AGBL1: variants seen among roughly 807,000 people sequenced by gnomAD.
The protein encoded by AGBL1 is AGBL carboxypeptidase 1, also known as cytosolic carboxypeptidase 4.
A neutral mutation model predicts 118.9 loss-of-function variants in AGBL1; 130 were observed. That is an observed-to-expected ratio of 1.09 (90% CI 0.95 to 1.26). AGBL1 has a LOEUF of 1.26. Among genes scored for constraint, AGBL1 ranks in the 50% most tolerant of loss-of-function variants. The pLI is 0.00. For missense variants in AGBL1, 1,584 were observed against 1,298.1 expected (o/e 1.22, Z -3.38); for synonymous variants, 555 against 478.9 (o/e 1.16, Z -2.08).
At chr15:86,801,679 CTT>C (rs2078652364) in intron 22 of AGBL1, among the ~76,000 whole-genome samples, 3 of 152,026 alleles carry the variant, frequency 2.0e-5, no homozygotes, top group African/African-American at 7.2e-5. Context: ...TATCTAGATT[CTT>C]TTTAACTTTA....
chr15:86,551,255 G>C (rs2083659272), intron 20 of AGBL1, among the ~76,000 whole-genome samples: 1 of 151,886 alleles, frequency 6.6e-6, no homozygotes, highest in African/African-American at 2.4e-5. Flanking sequence ...AAAATCATAT[G>C]AACAATAGAG....
intron 23 of AGBL1, among the ~76,000 whole-genome samples, chr15:86,924,364 G>T (rs534602181): frequency 1.2e-4 from 19 of 152,322 alleles, no homozygotes; most frequent in African/African-American, 3.8e-4. Flanking sequence ...AATGCTTTGA[G>T]GCTCAATTTT....
At chr15:86,775,225 C>G (rs1417354685) in intron 22 of AGBL1, among the ~76,000 whole-genome samples, 1 of 152,126 alleles carries the variant, frequency 6.6e-6, no homozygotes, top group South Asian at 2.1e-4. Flanking sequence ...ATAAACCAGA[C>G]AGAAAGTGAT....
intron 21 of AGBL1, among the ~76,000 whole-genome samples, chr15:86,637,139 G>A (rs2142456120): frequency 6.6e-6 from 1 of 152,234 alleles, no homozygotes; most frequent in Non-Finnish European, 1.5e-5. Context: ...CCCTCATAGA[G>A]TTTGTAATCT....
chr15:86,818,031 G>C (rs993492230), intron 22 of AGBL1, among the ~76,000 whole-genome samples: 2 of 152,042 alleles, frequency 1.3e-5, no homozygotes, highest in Non-Finnish European at 2.9e-5. Context: ...CTATCCTACA[G>C]TTTCTAGAAG....
rs75747690 is a variant in AGBL1 at position 86,285,426 on chromosome 15, C to T, written c.2220+5643C>T. Among the ~76,000 whole-genome samples the T allele has an allele frequency of 8.3e-3, 1,256 of 152,126 alleles. 19 individuals are homozygous for T. The highest frequency in any genetic ancestry group is 0.028 in the African/African-American group (1,176 of 41,492). The stretch of plus-strand genomic sequence containing the variant: ...CGTGTCGTGGGAATTAATTGAGTCA[C>T]GGGGGCAGGTCTTTCCCATGCTGTT... On this transcript the variant is annotated intron_variant, in intron 16 of 22. Coordinates refer to ENST00000614907, the MANE Select transcript of AGBL1 (RefSeq NM_001386094.1).
chr15:86,368,087 C>T lies in AGBL1; in HGVS notation c.2375-29279C>T, dbSNP rs112550673. On this transcript the variant is annotated intron_variant, in intron 17 of 22. Coordinates refer to ENST00000614907, the MANE Select transcript of AGBL1 (RefSeq NM_001386094.1). The stretch of plus-strand genomic sequence containing the variant: ...ATAAATAAGTGCTGATTCACGACTT[C>T]GGGATTTGTTTTTTCAGAATCAATG... 9.0e-3 allele frequency among the ~76,000 whole-genome samples: 1,373 copies of T among 152,124 alleles called. 31 individuals are homozygous for T. The highest frequency in any genetic ancestry group is 0.031 in the African/African-American group (1,269 of 41,504).
intron 22 of AGBL1, among the ~76,000 whole-genome samples, chr15:86,764,044 G>C (rs2078063325): frequency 6.6e-6 from 1 of 151,114 alleles, no homozygotes; most frequent in African/African-American, 2.4e-5. Flanking sequence ...CAGACAGGTT[G>C]GGTAGAAGTG....
chr15:86,786,501 C>T (rs1378185981), intron 22 of AGBL1, among the ~76,000 whole-genome samples: 1 of 152,108 alleles, frequency 6.6e-6, no homozygotes, highest in African/African-American at 2.4e-5. Context: ...ATAATAGACA[C>T]ATACATACTT....
At chr15:86,080,056 C>A in intron 1 of AGBL1, 33 bp downstream of exon 1, 1 of 1,231,364 alleles carries the variant, frequency 8.1e-7, no homozygotes, top group South Asian at 4.1e-5. Flanking sequence ...CAGAACCCGG[C>A]GGGCTGGGTG....
Position 86,154,449 on chromosome 15 carries a change from GGCCCTAGAATTGGAA to G in AGBL1, c.285_299del (p.Glu97_Leu101del). 2 of 1,612,624 alleles carry G rather than the reference GGCCCTAGAATTGGAA, an allele frequency of 1.2e-6. No individual in the cohort carries two copies. The highest frequency in any genetic ancestry group is 1.7e-6 in the Non-Finnish European group (2 of 1,179,340). ...TCTTAGATAAAAAGATTGGACGGAA[GGCCCTAGAATTGGAA>G]GCACTTGATGTGACATTGATTCTGG... On this transcript the variant is annotated inframe_deletion, in exon 4 of 23. Coordinates refer to ENST00000614907, the MANE Select transcript of AGBL1 (RefSeq NM_001386094.1).
At chr15:86,105,473 A>C (rs992930325) in intron 1 of AGBL1, 1 of 152,222 alleles carries the variant, frequency 6.6e-6, no homozygotes, top group East Asian at 1.9e-4. Flanking sequence ...TGTGTTCTGA[A>C]TATCCCTGAG....
chr15:86,746,659 T>G (rs576369358), intron 22 of AGBL1, among the ~76,000 whole-genome samples: 11 of 152,188 alleles, frequency 7.2e-5, no homozygotes, highest in East Asian at 5.8e-4. Flanking sequence ...ATTTCTTCAA[T>G]GAAGCACTTA....
At chr15:87,009,967 C>G (rs2594334) in intron 24 of AGBL1, among the ~76,000 whole-genome samples, 1 of 151,940 alleles carries the variant, frequency 6.6e-6, no homozygotes, top group African/African-American at 2.4e-5. Context: ...CTTGCCTTGT[C>G]TTGGATAAGA....
At chr15:86,994,464 T>C (rs2081362289) in intron 24 of AGBL1, among the ~76,000 whole-genome samples, 1 of 151,822 alleles carries the variant, frequency 6.6e-6, no homozygotes, top group Non-Finnish European at 1.5e-5. Context: ...AAAGAGAAAA[T>C]AACTAAAAGA....
chr15:86,329,551 GC>G (rs2080238738), intron 17 of AGBL1, among the ~76,000 whole-genome samples: 2 of 151,978 alleles, frequency 1.3e-5, no homozygotes, highest in African/African-American at 4.8e-5. Flanking sequence ...TCCACTTCAT[GC>G]CCAGGCAGAT....
At chr15:86,746,452 T>A (rs911263135) in intron 22 of AGBL1, among the ~76,000 whole-genome samples, 1 of 152,044 alleles carries the variant, frequency 6.6e-6, no homozygotes, top group Admixed American at 6.6e-5. Context: ...TTGATTTTTT[T>A]ATTTTGGGTT....
chr15:86,538,914 C>T (rs1056303391), intron 19 of AGBL1, among the ~76,000 whole-genome samples: 3 of 152,142 alleles, frequency 2.0e-5, no homozygotes, highest in African/African-American at 7.2e-5. Flanking sequence ...AGAATGGGAC[C>T]AAGGAGGAAG....
At chr15:86,592,434 T>C (rs981125663) in intron 21 of AGBL1, among the ~76,000 whole-genome samples, 4 of 152,232 alleles carry the variant, frequency 2.6e-5, no homozygotes, top group Non-Finnish European at 4.4e-5. Context: ...ACTTGAGAGA[T>C]CCAAGTGTGC....
Sources: gnomAD v4.1 joint callset for allele counts (sites outside exome capture counted in the v4.1 genomes callset) on GRCh38, gnomAD v4.1.1 for gene constraint, MANE v1.5 for transcripts, NCBI Gene and HGNC (gene_info 2026-07-23, HGNC 2026-07-21) for gene names.